PHF7: variants seen among roughly 807,000 people sequenced by gnomAD.
PHF7 encodes the protein E3 ubiquitin-protein ligase PHF7.
PHF7 carries 24 observed loss-of-function variants against 47.5 expected under a neutral mutation model. That is an observed-to-expected ratio of 0.51 (90% CI 0.37 to 0.71). The LOEUF (loss-of-function observed/expected upper bound fraction) is 0.71. Ranked by LOEUF, PHF7 falls within the 30% of genes least tolerant of loss-of-function variation. The probability of loss-of-function intolerance (pLI) is 0.00; values close to 1 mark genes in which losing one functional copy is unlikely to be tolerated. For synonymous variants in PHF7, 156 were observed against 153.8 expected, an observed-to-expected ratio of 1.01 and a Z score of -0.11; for missense variants, 361 against 456.8, an observed-to-expected ratio of 0.79 and a Z score of 1.91.
intron 8 of PHF7, 199 bp downstream of exon 8, chr3:52,421,953 C>A: frequency 1.7e-6 from 1 of 588,742 alleles, no homozygotes; most frequent in South Asian, 2.0e-5. Context: ...GTGCTTGTTG[C>A]TGAAAAGGGC....
At position 52,414,112 on chromosome 3, in the gene PHF7, T is replaced by C. The variant is rs1196755802; in HGVS notation, c.94+64T>C. The stretch of plus-strand genomic sequence containing the variant: ...AGCCCTCAGCAAAGAAGGCCACCTG[T>C]GTGGGGCAGTATACTTGCTTCTTCT... On this transcript the variant is annotated intron_variant, in intron 3 of 10. Coordinates refer to ENST00000327906, the MANE Select transcript of PHF7 (RefSeq NM_016483.7). 9.5e-6 allele frequency: 10 copies of C among 1,051,960 alleles called. No individual in the cohort carries two copies. In the East Asian group the frequency reaches 1.9e-4, roughly 20 times the overall value. The allele number at this position is 1,051,960 out of a possible 1,614,324, so 65.2% of individuals were successfully genotyped here.
chr3:52,418,294 T>C (rs1705681521), intron 4 of PHF7, among the ~76,000 whole-genome samples: 1 of 152,232 alleles, frequency 6.6e-6, no homozygotes. Flanking sequence ...TATACATTTT[T>C]TACATAAAAA....
chr3:52,418,549 C>T (rs1396494725), intron 4 of PHF7, among the ~76,000 whole-genome samples: 4 of 152,188 alleles, frequency 2.6e-5, no homozygotes, highest in African/African-American at 9.6e-5. Flanking sequence ...TTCCTTCCCC[C>T]ATAATACAGA....
intron 6 of PHF7, among the ~76,000 whole-genome samples, chr3:52,420,691 C>G (rs1366890966): frequency 6.6e-6 from 1 of 152,144 alleles, no homozygotes; most frequent in Non-Finnish European, 1.5e-5. Context: ...CTTTCAGGAA[C>G]GAGAGGCTAT....
intron 4 of PHF7, among the ~76,000 whole-genome samples, chr3:52,418,996 G>A (rs1261762557): frequency 2.0e-5 from 3 of 151,904 alleles, no homozygotes; most frequent in African/African-American, 7.3e-5. Flanking sequence ...GTAGAGACAG[G>A]GTTTCACCAT....
In PHF7 at chr3:52,421,682, A is replaced by G. The variant is rs1705796206; in HGVS notation, c.608A>G (p.Lys203Arg). The G allele has an allele frequency of 6.2e-7, 1 of 1,608,292 alleles. No individual in the cohort carries two copies. The highest frequency in any genetic ancestry group is 8.5e-7 in the Non-Finnish European group (1 of 1,174,682). The change falls in exon 8 of 11, where the codon AAA (lysine) becomes AGA (arginine). Residue 203 changes from lysine to arginine, a missense_variant. Lys to Arg is a conservative substitution (Grantham distance 26). Coordinates refer to ENST00000327906, the MANE Select transcript of PHF7 (RefSeq NM_016483.7). The part of the protein sequence containing the change: ...YAHTSAKHFF[K>R]CPQCNNRKEF... The stretch of plus-strand genomic sequence containing the variant: ...CACACATCAGCAAAGCATTTCTTCA[A>G]ATGTCCACAGTGTAACAATCGAAAA...
At position 52,419,829 on chromosome 3, in the gene PHF7, GC is replaced by G. The variant is rs1372130156; in HGVS notation, c.187-3del. On this transcript the variant is annotated splice_region_variant and splice_polypyrimidine_tract_variant and intron_variant, in intron 4 of 10. Transcript: ENST00000327906. ...TTAACAGCCTGGTTCTACTGCCCCC[GC>G]AGATCTTATCTAGTAAGCTGCCTCA... The G allele has an allele frequency of 1.9e-6, 3 of 1,545,624 alleles. No homozygotes were observed. The highest frequency in any genetic ancestry group is 2.7e-6 in the Non-Finnish European group (3 of 1,123,870).
Position 52,419,935 on chromosome 3 carries a change from G to A in PHF7, c.288+1G>A. 2 of 1,581,870 alleles carry A rather than the reference G, an allele frequency of 1.3e-6. No individual in the cohort carries two copies. Among genetic ancestry groups the A allele is most frequent in the Non-Finnish European group, 1.7e-6 (2 of 1,157,194 alleles). The stretch of plus-strand genomic sequence containing the variant: ...GGAGGCAGCCCGGGCTTCTAGGAAG[G>A]TTAGAATCTCTTGAAATGAGGACCT... On this transcript the variant is annotated splice_donor_variant, in intron 5 of 10. Coordinates refer to ENST00000327906, the MANE Select transcript of PHF7 (RefSeq NM_016483.7). LOFTEE classifies it high-confidence loss of function.
Position 52,414,685 on chromosome 3 carries a change from T to C in PHF7, c.186+98T>C, listed in dbSNP as rs1343164356. ...TCCTCATATCCACAGCCTTGTTTTT[T>C]TATTTTTCTTAATAGCTTTTTTGTT... is the stretch of plus-strand genomic sequence containing the variant. On this transcript the variant is annotated intron_variant, in intron 4 of 10. Transcript: ENST00000327906. 7.4e-6 allele frequency: 5 copies of C among 671,886 alleles called. No homozygotes were observed. The East Asian group carries it at 1.5e-4, about 20-fold the overall frequency. 41.6% of individuals were successfully genotyped at this position (671,886 alleles called of 1,614,324 possible). A position where few individuals can be genotyped will look rare whatever the true frequency, so the allele number is the denominator to read the frequency against.
intron 2 of PHF7, among the ~76,000 whole-genome samples, chr3:52,413,651 A>G (rs1419800560): frequency 6.6e-6 from 1 of 152,200 alleles, no homozygotes; most frequent in Non-Finnish European, 1.5e-5. Context: ...CCTGGCCAAC[A>G]TGGTGAAACC....
chr3:52,422,536 T>G, intron 9 of PHF7, 198 bp downstream of exon 9: 1 of 648,850 alleles, frequency 1.5e-6, no homozygotes, highest in Admixed American at 2.6e-5. Flanking sequence ...CCGCTTCACC[T>G]TGTGCCCAGT....
chr3:52,416,531 C>G (rs1705631337), intron 4 of PHF7, among the ~76,000 whole-genome samples: 1 of 150,510 alleles, frequency 6.6e-6, no homozygotes, highest in Non-Finnish European at 1.5e-5. Flanking sequence ...ATATTTTTAC[C>G]CATTTAAAAA....
At chr3:52,422,917 G>C in intron 10 of PHF7, 36 bp downstream of exon 10, 5 of 1,613,720 alleles carry the variant, frequency 3.1e-6, no homozygotes, top group Non-Finnish European at 4.2e-6. Flanking sequence ...TCAGAGCAAG[G>C]AGGGGGCTGT....
intron 3 of PHF7, 56 bp downstream of exon 3, chr3:52,414,104 G>GC (rs1346087978): frequency 1.7e-6 from 2 of 1,205,934 alleles, no homozygotes; most frequent in African/African-American, 3.0e-5. Flanking sequence ...AGCAAAGAAG[G>GC]CCACCTGTGT....
intron 4 of PHF7, among the ~76,000 whole-genome samples, chr3:52,418,462 A>C (rs534412388): frequency 2.6e-5 from 4 of 152,226 alleles, no homozygotes; most frequent in Admixed American, 1.3e-4. Flanking sequence ...ATGATACTTA[A>C]AAATATGAAG....
intron 5 of PHF7, 94 bp downstream of exon 5, chr3:52,420,028 T>G: frequency 1.2e-6 from 1 of 817,918 alleles, no homozygotes; most frequent in Non-Finnish European, 2.0e-6. Context: ...CTTCCTAGTT[T>G]AGATGTCAAA....
intron 4 of PHF7, among the ~76,000 whole-genome samples, chr3:52,419,596 A>C (rs1417496339): frequency 1.3e-5 from 2 of 151,444 alleles, no homozygotes; most frequent in Non-Finnish European, 2.9e-5. Flanking sequence ...ACACCCGGCT[A>C]ATTTTTTTGT....
chr3:52,419,247 G>A (rs968365012), intron 4 of PHF7, among the ~76,000 whole-genome samples: 1 of 152,116 alleles, frequency 6.6e-6, no homozygotes, highest in Non-Finnish European at 1.5e-5. Context: ...GCCTTGAGCA[G>A]GTCGCATCAT....
chr3:52,423,268 G>C lies in PHF7; in HGVS notation c.1097G>C (p.Trp366Ser). The C allele has an allele frequency of 6.2e-7, 1 of 1,614,130 alleles. No individual in the cohort carries two copies. The highest frequency in any genetic ancestry group is 8.5e-7 in the Non-Finnish European group (1 of 1,179,968). The change falls in exon 11 of 11, where the codon TGG becomes TCG. Residue 366 changes from tryptophan to serine, a missense_variant. By Grantham distance (177) the Trp-to-Ser change is radical. Transcript: ENST00000327906. ...TCTCGTGGCAGGAGGAGCTACTCCT[G>C]GAGGTCCAAGGGTGTCAGAATCACT... The part of the protein sequence containing the change: ...ESSRGRRSYS[W>S]RSKGVRITNS...
Sources: gnomAD v4.1 joint callset for allele counts (sites outside exome capture counted in the v4.1 genomes callset) on GRCh38, gnomAD v4.1.1 for gene constraint, MANE v1.5 for transcripts, NCBI Gene and HGNC (gene_info 2026-07-23, HGNC 2026-07-21) for gene names.